The following AOPEP variants were observed in gnomAD, a reference collection of about 807,000 sequenced individuals.
The protein encoded by AOPEP is aminopeptidase O.
In AOPEP, 77 loss-of-function variants were observed where a neutral mutation model predicts 98.1. The observed-to-expected ratio is 0.78, with a 90% CI of 0.65 to 0.95. AOPEP has a LOEUF of 0.95. AOPEP is among the 40% of genes least tolerant of loss of function. The pLI is 0.00. For synonymous variants in AOPEP, 346 were observed against 365.3 expected (o/e 0.95, Z 0.60); for missense variants, 1,024 against 1,024.7 (o/e 1.00, Z 0.01).
chr9:94,858,532 G>T lies in AOPEP; in HGVS notation c.1364+57530G>T, dbSNP rs565606083. 2.0e-5 allele frequency among the ~76,000 whole-genome samples: 3 copies of T among 152,256 alleles called. 1 individual carries two copies. In the South Asian group the frequency reaches 6.2e-4, roughly 32 times the overall value. ...TTATTCCTTACCTCTTCCAGCTTCT[G>T]GTGGCCACTGATGTTCCTTGGCTTG... is the stretch of plus-strand genomic sequence containing the variant. On this transcript the variant is annotated intron_variant, in intron 5 of 16. Coordinates refer to ENST00000375315, the MANE Select transcript of AOPEP (RefSeq NM_001193329.3).
At chr9:94,958,272 T>TGTTTACCTG (rs1396559482) in intron 9 of AOPEP, among the ~76,000 whole-genome samples, 2 of 152,266 alleles carry the variant, frequency 1.3e-5, no homozygotes, top group Non-Finnish European at 2.9e-5. Context: ...TATCACATTT[T>TGTTTACCTG]GTTTACCTGT....
intron 3 of AOPEP, 106 bp from the exon 4 acceptor site, chr9:94,792,659 T>TA (rs150347083): frequency 0.051 from 58,609 of 1,139,232 alleles, 1,649 homozygotes; most frequent in Admixed American, 0.085. Context: ...AGTTGGCTCT[T>TA]ACCAGCTTAT....
In AOPEP at chr9:94,845,505, C is replaced by T. The variant is rs72746590; in HGVS notation, c.1364+44503C>T. Among the ~76,000 whole-genome samples, 805 of 152,206 alleles carry T rather than the reference C, an allele frequency of 5.3e-3. 10 individuals are homozygous for T. Among genetic ancestry groups the T allele is most frequent in the South Asian group, 0.043 (209 of 4,820 alleles). Reference sequence around the variant, plus strand: ...GAAAAGATCATGCTGGGTGGATACCCGTTTTGGGGGAACGGGACAGGAAAG... The same window carrying T: ...GAAAAGATCATGCTGGGTGGATACCTGTTTTGGGGGAACGGGACAGGAAAG... On this transcript the variant is annotated intron_variant, in intron 5 of 16. Coordinates refer to ENST00000375315, the MANE Select transcript of AOPEP (RefSeq NM_001193329.3).
chr9:95,129,168 T>C, the AOPEP span, among the ~76,000 whole-genome samples: 1 of 152,172 alleles, frequency 6.6e-6, no homozygotes, highest in Non-Finnish European at 1.5e-5. Context: ...TCTCCCTTGC[T>C]ACCCCTACAG....
At chr9:94,774,135 A>G (rs1411330707) in intron 3 of AOPEP, among the ~76,000 whole-genome samples, 1 of 151,954 alleles carries the variant, frequency 6.6e-6, no homozygotes, top group East Asian at 1.9e-4. Flanking sequence ...ACACGGTGAA[A>G]TCTCGTCTCT....
chr9:95,051,840 A>G (rs1344566795), intron 13 of AOPEP, among the ~76,000 whole-genome samples: 1 of 151,932 alleles, frequency 6.6e-6, no homozygotes, highest in Non-Finnish European at 1.5e-5. Flanking sequence ...AGTAGCTGGG[A>G]CTACAGGCGC....
intron 11 of AOPEP, among the ~76,000 whole-genome samples, chr9:94,985,109 C>T (rs142799458): frequency 2.6e-5 from 4 of 152,218 alleles, no homozygotes; most frequent in East Asian, 1.9e-4. Flanking sequence ...AGTGCTCAGC[C>T]GCCAGTTCCT....
chr9:95,083,700 C>T (rs1336877824), intron 16 of AOPEP, among the ~76,000 whole-genome samples: 1 of 151,982 alleles, frequency 6.6e-6, no homozygotes, highest in Non-Finnish European at 1.5e-5. Flanking sequence ...ACCGCACGCA[C>T]CACACAGAGC....
intron 10 of AOPEP, among the ~76,000 whole-genome samples, chr9:94,976,120 C>T (rs2059823780): frequency 1.3e-5 from 2 of 152,174 alleles, no homozygotes. Context: ...TCTACAGGCG[C>T]TGGTAGCATT....
At chr9:94,740,761 C>T (rs1035012244) in intron 1 of AOPEP, among the ~76,000 whole-genome samples, 6 of 152,206 alleles carry the variant, frequency 3.9e-5, no homozygotes, top group Non-Finnish European at 8.8e-5. Context: ...CTGCTGGGTC[C>T]ATATCCGGCT....
At chr9:94,914,284 G>A (rs963935281) in intron 5 of AOPEP, among the ~76,000 whole-genome samples, 1 of 152,288 alleles carries the variant, frequency 6.6e-6, no homozygotes, top group Admixed American at 6.5e-5. Context: ...GGAGAAGTTG[G>A]GACCACAGCA....
chr9:95,037,066 C>T (rs1392413322), intron 13 of AOPEP, among the ~76,000 whole-genome samples: 1 of 152,174 alleles, frequency 6.6e-6, no homozygotes, highest in East Asian at 1.9e-4. Flanking sequence ...TATGAGCTGT[C>T]TTCGGCCTAA....
chr9:94,895,574 C>T (rs1463555122), intron 5 of AOPEP, among the ~76,000 whole-genome samples: 1 of 151,944 alleles, frequency 6.6e-6, no homozygotes, highest in African/African-American at 2.4e-5. Context: ...ACCTGTAAGC[C>T]AAGTGCCTGC....
rs1036318379 is a variant in AOPEP at position 94,810,315 on chromosome 9, T to G, written c.1364+9313T>G. ...CCTACATTTGATTTAATCAGGGTTT[T>G]TTTGTTTTTTTTTTTTTGAGACAGA... On this transcript the variant is annotated intron_variant, in intron 5 of 16. Transcript: ENST00000375315. Among the ~76,000 whole-genome samples the G allele has an allele frequency of 7.9e-5, 12 of 151,126 alleles. No individual in the cohort carries two copies. The East Asian group carries it at 2.3e-3, about 29-fold the overall frequency.
At position 94,924,162 on chromosome 9, in the gene AOPEP, C is replaced by T. The variant is rs1251990737; in HGVS notation, c.1541C>T (p.Ala514Val). The stretch of plus-strand genomic sequence containing the variant: ...ACTCACTTGGAGGATGTGTTTTGGG[C>T]CACAGCACAGCAGGTGGGTTAAAGT... ...FATHLEDVFW[A>V]TAQQLAPYEA... Residue 514 changes from alanine (A) to valine (V), a missense_variant, in exon 6 of 17, where the codon GCC becomes GTC. Around this residue, in one of 3 missense-constraint regions of AOPEP, gnomAD observed 566 missense variants for 551.7 expected, o/e 1.03. Coordinates refer to ENST00000375315, the MANE Select transcript of AOPEP (RefSeq NM_001193329.3). The T allele has an allele frequency of 6.3e-6, 9 of 1,424,268 alleles. No homozygotes were observed. The African/African-American group carries it at 7.3e-5, about 12-fold the overall frequency. 88.2% of individuals were successfully genotyped at this position (1,424,268 alleles called of 1,614,324 possible).
At chr9:94,753,989 G>T (rs1836429523) in intron 1 of AOPEP, among the ~76,000 whole-genome samples, 1 of 152,136 alleles carries the variant, frequency 6.6e-6, no homozygotes, top group Non-Finnish European at 1.5e-5. Context: ...CTATCAGTAG[G>T]GGAACGTATG....
Position 94,975,088 on chromosome 9 carries a change from G to A in AOPEP, c.1917-4279G>A, listed in dbSNP as rs115260702. Among the ~76,000 whole-genome samples, 340 of 152,140 alleles carry A rather than the reference G, an allele frequency of 2.2e-3. 1 individual carries two copies. Among genetic ancestry groups the A allele is most frequent in the African/African-American group, 7.8e-3 (324 of 41,502 alleles). On this transcript the variant is annotated intron_variant, in intron 10 of 16. Coordinates refer to ENST00000375315, the MANE Select transcript of AOPEP (RefSeq NM_001193329.3). ...CTATAAAAAATTTCAAAAATTAGTC[G>A]GGCGTGGTGGCACATGCCTGTAGTC...
chr9:94,842,982 T>C (rs2042448846), intron 5 of AOPEP, among the ~76,000 whole-genome samples: 1 of 152,190 alleles, frequency 6.6e-6, no homozygotes, highest in Non-Finnish European at 1.5e-5. Flanking sequence ...GGAATTGACT[T>C]CTTTATTGTT....
intron 13 of AOPEP, among the ~76,000 whole-genome samples, chr9:95,049,438 T>C (rs1354511840): frequency 6.6e-6 from 1 of 152,184 alleles, no homozygotes; most frequent in African/African-American, 2.4e-5. Context: ...AAAGATAAAT[T>C]CTTATTTCTG....
Sources: allele counts gnomAD v4.1 joint callset (sites outside exome capture counted in the v4.1 genomes callset), GRCh38; gene constraint gnomAD v4.1.1; regional missense constraint gnomAD v4.1.1; transcripts MANE v1.5; gene names NCBI Gene and HGNC (gene_info 2026-07-23, HGNC 2026-07-21).